Variants in HCN1 observed in about 807,000 individuals in gnomAD.
HCN1 encodes hyperpolarization activated cyclic nucleotide gated potassium channel 1.
Under a neutral mutation model 78.9 loss-of-function variants are expected in HCN1, and 13 were observed. The observed-to-expected ratio is 0.16, with a 90% CI of 0.11 to 0.26. The LOEUF (loss-of-function observed/expected upper bound fraction) is 0.26. Ranked by LOEUF, HCN1 falls within the 10% of genes least tolerant of loss-of-function variation. HCN1 has a pLI of 1.00. For synonymous variants in HCN1, 552 were observed against 455.5 expected, an observed-to-expected ratio of 1.21 and a Z score of -2.70; for missense variants, 810 against 1,154.3, an observed-to-expected ratio of 0.70 and a Z score of 4.32.
intron 3 of HCN1, among the ~76,000 whole-genome samples, chr5:45,397,585 C>A (rs1234300907): frequency 6.6e-6 from 1 of 151,282 alleles, no homozygotes; most frequent in Non-Finnish European, 1.5e-5. Context: ...TTTATAAAAG[C>A]CAGAGCAAAA....
At chr5:45,424,130 A>C (rs981310152) in intron 3 of HCN1, among the ~76,000 whole-genome samples, 2 of 149,202 alleles carry the variant, frequency 1.3e-5, no homozygotes, top group African/African-American at 4.9e-5. Context: ...AAAAAAAAAA[A>C]AAAAAAAAAA....
At chr5:45,504,494 T>A (rs879906078) in intron 2 of HCN1, among the ~76,000 whole-genome samples, 22 of 152,222 alleles carry the variant, frequency 1.4e-4, no homozygotes, top group Non-Finnish European at 1.9e-4. Context: ...TAATCCAGTC[T>A]ATTGTTGATG....
At chr5:45,657,501 T>A (rs1249884411) in intron 1 of HCN1, among the ~76,000 whole-genome samples, 1 of 152,226 alleles carries the variant, frequency 6.6e-6, no homozygotes, top group Non-Finnish European at 1.5e-5. Context: ...TGTAGGCCAG[T>A]AACTTAGAGG....
chr5:45,587,890 A>C (rs1249792402), intron 2 of HCN1, among the ~76,000 whole-genome samples: 2 of 152,008 alleles, frequency 1.3e-5, no homozygotes, highest in Non-Finnish European at 2.9e-5. Context: ...AAGTAGGATT[A>C]ATGCCCTTAT....
At chr5:45,517,817 G>A (rs1393676333) in intron 2 of HCN1, among the ~76,000 whole-genome samples, 1 of 151,952 alleles carries the variant, frequency 6.6e-6, no homozygotes, top group Non-Finnish European at 1.5e-5. Flanking sequence ...AAAAGGACAT[G>A]ATAATATCCC....
chr5:45,546,624 A>T (rs988671120), intron 2 of HCN1, among the ~76,000 whole-genome samples: 1 of 151,734 alleles, frequency 6.6e-6, no homozygotes, highest in Non-Finnish European at 1.5e-5. Context: ...TTCAAATAAA[A>T]TTTCCTCCAT....
intron 3 of HCN1, among the ~76,000 whole-genome samples, chr5:45,433,231 G>A (rs1048886447): frequency 3.9e-5 from 6 of 152,062 alleles, no homozygotes; most frequent in South Asian, 2.1e-4. Flanking sequence ...TTATCATGAT[G>A]TATTTGCTTT....
intron 2 of HCN1, among the ~76,000 whole-genome samples, chr5:45,592,647 AC>A (rs1242477218): frequency 6.6e-6 from 1 of 152,126 alleles, no homozygotes; most frequent in Non-Finnish European, 1.5e-5. Flanking sequence ...AGCTCCTTGA[AC>A]TGCAATCAGT....
At chr5:45,654,384 T>C (rs1019606854) in intron 1 of HCN1, among the ~76,000 whole-genome samples, 2 of 152,178 alleles carry the variant, frequency 1.3e-5, no homozygotes, top group Admixed American at 1.3e-4. Flanking sequence ...AGAGCTCTTC[T>C]AGAAGTTTAA....
intron 3 of HCN1, among the ~76,000 whole-genome samples, chr5:45,427,699 T>C (rs1397415565): frequency 6.6e-6 from 1 of 152,122 alleles, no homozygotes; most frequent in Non-Finnish European, 1.5e-5. Flanking sequence ...TATCAAATGT[T>C]TGGTTGCACT....
At chr5:45,550,513 G>C (rs372887476) in intron 2 of HCN1, among the ~76,000 whole-genome samples, 4 of 152,234 alleles carry the variant, frequency 2.6e-5, no homozygotes, top group African/African-American at 9.6e-5. Context: ...GGGGCACGGG[G>C]GAGGGATAGC....
At chr5:45,659,848 G>A (rs1326266092) in intron 1 of HCN1, among the ~76,000 whole-genome samples, 1 of 124,340 alleles carries the variant, frequency 8.0e-6, no homozygotes, top group Admixed American at 8.3e-5. Context: ...TGAAAGTGAT[G>A]TGGAGAATGG....
intron 3 of HCN1, among the ~76,000 whole-genome samples, chr5:45,427,107 A>G (rs1056483765): frequency 1.3e-5 from 2 of 152,058 alleles, no homozygotes; most frequent in African/African-American, 4.8e-5. Flanking sequence ...TTCTTTTTGC[A>G]TACCAGCATT....
At chr5:45,684,609 C>T (rs545458805) in intron 1 of HCN1, among the ~76,000 whole-genome samples, 1 of 152,234 alleles carries the variant, frequency 6.6e-6, no homozygotes, top group South Asian at 2.1e-4. Flanking sequence ...GCCTGTAAAC[C>T]CAGCACTTTG....
intron 4 of HCN1, among the ~76,000 whole-genome samples, chr5:45,376,168 TATATA>T (rs1342310675): frequency 6.1e-4 from 14 of 22,900 alleles, no homozygotes; most frequent in South Asian, 3.1e-3. Flanking sequence ...TATTTTATAA[TATATA>T]ATATATTACA....
intron 6 of HCN1, among the ~76,000 whole-genome samples, chr5:45,272,491 T>C (rs113780566): frequency 0.01 from 1,528 of 152,192 alleles, 23 homozygotes; most frequent in African/African-American, 0.034. Flanking sequence ...TAATATCCCT[T>C]ATAGTGCCTG....
intron 5 of HCN1, among the ~76,000 whole-genome samples, chr5:45,317,670 C>A (rs964187236): frequency 6.6e-6 from 1 of 152,058 alleles, no homozygotes; most frequent in Non-Finnish European, 1.5e-5. Flanking sequence ...ACTCATCTGA[C>A]AAAGGGCTAA....
At chr5:45,268,593 C>A (rs1744903985) in intron 6 of HCN1, among the ~76,000 whole-genome samples, 2 of 152,130 alleles carry the variant, frequency 1.3e-5, no homozygotes, top group Admixed American at 1.3e-4. Context: ...AGAACAATGT[C>A]ACATATATGC....
chr5:45,619,394 T>C (rs1321153496), intron 2 of HCN1, among the ~76,000 whole-genome samples: 1 of 152,056 alleles, frequency 6.6e-6, no homozygotes, highest in African/African-American at 2.4e-5. Context: ...GAATCGAACA[T>C]TGTGTAGTGC....
Sources: gnomAD v4.1 joint callset for allele counts (sites outside exome capture counted in the v4.1 genomes callset) on GRCh38, gnomAD v4.1.1 for gene constraint, MANE v1.5 for transcripts, NCBI Gene and HGNC (gene_info 2026-07-23, HGNC 2026-07-21) for gene names.